Variants in TMEM132D observed in about 807,000 individuals in gnomAD.
TMEM132D encodes the protein transmembrane protein 132D, also known as mature OL transmembrane protein.
TMEM132D carries 21 observed loss-of-function variants against 62.3 expected under a neutral mutation model. The ratio of observed to expected loss-of-function variants is 0.34; its 90% CI spans 0.24 to 0.49. The LOEUF (loss-of-function observed/expected upper bound fraction) is 0.49, where lower values mean the gene tolerates loss of function less well. TMEM132D is among the 20% of genes least tolerant of loss of function. The pLI is 0.99. For missense variants in TMEM132D, 1,346 were observed against 1,402.8 expected (o/e 0.96, Z 0.65); for synonymous variants, 621 against 575.6 (o/e 1.08, Z -1.13).
At chr12:129,748,694 G>C (rs916904549) in intron 1 of TMEM132D, among the ~76,000 whole-genome samples, 1 of 152,212 alleles carries the variant, frequency 6.6e-6, no homozygotes, top group East Asian at 1.9e-4. Flanking sequence ...GGCTCCCAGA[G>C]CAACAAAAAC....
chr12:129,245,434 A>G (rs1880070095), intron 4 of TMEM132D, among the ~76,000 whole-genome samples: 4 of 151,956 alleles, frequency 2.6e-5, no homozygotes, highest in Admixed American at 2.6e-4. Flanking sequence ...GTATGTATGT[A>G]CCACAGTTTA....
chr12:129,271,554 T>A (rs959435236), intron 4 of TMEM132D, among the ~76,000 whole-genome samples: 11 of 151,500 alleles, frequency 7.3e-5, no homozygotes, highest in African/African-American at 2.0e-4. Flanking sequence ...ATGCTCTCCC[T>A]CCCCTTGCCC....
intron 4 of TMEM132D, among the ~76,000 whole-genome samples, chr12:129,235,041 C>G (rs1370766776): frequency 2.0e-5 from 3 of 151,574 alleles, no homozygotes; most frequent in Non-Finnish European, 2.9e-5. Flanking sequence ...AAATTCTAGT[C>G]AAATTAAAAC....
chr12:129,330,891 C>T (rs1253927323), intron 4 of TMEM132D, among the ~76,000 whole-genome samples: 4 of 152,196 alleles, frequency 2.6e-5, no homozygotes, highest in Non-Finnish European at 5.9e-5. Flanking sequence ...ATCAAAGGGA[C>T]ATACTGAGCC....
At chr12:129,481,297 C>CA (rs1375914594) in intron 3 of TMEM132D, among the ~76,000 whole-genome samples, 1 of 151,700 alleles carries the variant, frequency 6.6e-6, no homozygotes, top group Non-Finnish European at 1.5e-5. Flanking sequence ...ATTGTCTCTA[C>CA]AAAAAAATTT....
Position 129,092,524 on chromosome 12 carries a change from T to A in TMEM132D, c.1444-7822A>T, listed in dbSNP as rs539566208. Among the ~76,000 whole-genome samples, 47 of 152,146 alleles carry A rather than the reference T, an allele frequency of 3.1e-4. 2 individuals are homozygous for A. The South Asian group carries it at 9.6e-3, about 31-fold the overall frequency. ...AGCCCGGCCAACATGGTGAAACCTG[T>A]CTCTATTAAAAATACAAAAAAATTA... On this transcript the variant is annotated intron_variant, in intron 5 of 8. Transcript: ENST00000422113.
intron 5 of TMEM132D, among the ~76,000 whole-genome samples, chr12:129,103,897 C>A (rs1054139493): frequency 6.6e-6 from 1 of 152,134 alleles, no homozygotes; most frequent in African/African-American, 2.4e-5. Flanking sequence ...AAAGAGGATA[C>A]AAACAAATGG....
intron 2 of TMEM132D, among the ~76,000 whole-genome samples, chr12:129,642,694 T>G (rs574392190): frequency 8.5e-5 from 13 of 152,204 alleles, no homozygotes; most frequent in Non-Finnish European, 1.8e-4. Flanking sequence ...GCTATTCAAA[T>G]AAACCCTTCA....
chr12:129,363,168 C>A (rs531768063), intron 3 of TMEM132D, among the ~76,000 whole-genome samples: 16 of 152,304 alleles, frequency 1.1e-4, no homozygotes, highest in African/African-American at 3.8e-4. Context: ...GCTTGACAAG[C>A]GTCTTTGGTG....
chr12:129,146,697 T>G (rs2135533102), intron 5 of TMEM132D, among the ~76,000 whole-genome samples: 1 of 152,318 alleles, frequency 6.6e-6, no homozygotes, highest in Middle Eastern at 3.4e-3. Context: ...GCTCTTACCC[T>G]GCTTACCCAG....
At chr12:129,589,477 C>T (rs918628949) in intron 2 of TMEM132D, among the ~76,000 whole-genome samples, 20 of 152,130 alleles carry the variant, frequency 1.3e-4, no homozygotes, top group Non-Finnish European at 2.2e-4. Flanking sequence ...GGTACCTACC[C>T]GCATATGCAA....
chr12:129,526,528 C>T (rs111540453), intron 3 of TMEM132D, among the ~76,000 whole-genome samples: 15 of 152,300 alleles, frequency 9.8e-5, no homozygotes, highest in African/African-American at 2.6e-4. Context: ...CGTCATCCAC[C>T]CACCTCAGCC....
chr12:129,504,835 G>C (rs976732546), intron 3 of TMEM132D, among the ~76,000 whole-genome samples: 1 of 152,116 alleles, frequency 6.6e-6, no homozygotes, highest in Non-Finnish European at 1.5e-5. Context: ...CAGACTTCTT[G>C]ATGTAGACAT....
chr12:129,485,812 T>C (rs1235083674), intron 3 of TMEM132D, among the ~76,000 whole-genome samples: 1 of 152,200 alleles, frequency 6.6e-6, no homozygotes, highest in Non-Finnish European at 1.5e-5. Flanking sequence ...AATCCTTACC[T>C]GGCATCCTAG....
intron 1 of TMEM132D, among the ~76,000 whole-genome samples, chr12:129,801,376 G>A (rs1593167316): frequency 6.6e-6 from 1 of 151,136 alleles, no homozygotes; most frequent in African/African-American, 2.4e-5. Context: ...GTGGGTCCCT[G>A]ACCCCTGACC....
chr12:129,623,371 G>A (rs1053594919), intron 2 of TMEM132D, among the ~76,000 whole-genome samples: 1 of 152,032 alleles, frequency 6.6e-6, no homozygotes, highest in East Asian at 1.9e-4. Flanking sequence ...GCTTTCACTG[G>A]ACCTGTCACC....
At chr12:129,487,687 C>A (rs950468895) in intron 3 of TMEM132D, among the ~76,000 whole-genome samples, 1 of 151,972 alleles carries the variant, frequency 6.6e-6, no homozygotes, top group African/African-American at 2.4e-5. Context: ...AATCCCAGCA[C>A]TTTGGGAGGC....
At chr12:129,479,654 T>C (rs185232549) in intron 3 of TMEM132D, among the ~76,000 whole-genome samples, 1 of 152,154 alleles carries the variant, frequency 6.6e-6, no homozygotes, top group African/African-American at 2.4e-5. Context: ...GATAGTGTCA[T>C]AAAAAAGTAA....
At chr12:129,663,281 G>A (rs1262977260) in intron 2 of TMEM132D, among the ~76,000 whole-genome samples, 1 of 152,216 alleles carries the variant, frequency 6.6e-6, no homozygotes, top group African/African-American at 2.4e-5. Context: ...TGGCATTACA[G>A]GCATGTGCCA....
Sources: allele counts gnomAD v4.1 joint callset (sites outside exome capture counted in the v4.1 genomes callset), GRCh38; gene constraint gnomAD v4.1.1; transcripts MANE v1.5; gene names NCBI Gene and HGNC (gene_info 2026-07-23, HGNC 2026-07-21).